CDH26: variants seen among roughly 807,000 people sequenced by gnomAD.
CDH26 encodes the protein cadherin 26.
Under a neutral mutation model 90.3 loss-of-function variants are expected in CDH26, and 83 were observed. That is an observed-to-expected ratio of 0.92 (90% CI 0.77 to 1.10). CDH26 has a LOEUF of 1.10. Among genes scored for constraint, CDH26 ranks in the 50% least tolerant of loss-of-function variants. CDH26 has a pLI of 0.00. For synonymous variants in CDH26, 397 were observed against 396.3 expected, an observed-to-expected ratio of 1.00 and a Z score of -0.02; for missense variants, 1,013 against 1,037.6, an observed-to-expected ratio of 0.98 and a Z score of 0.33.
intron 4 of CDH26, among the ~76,000 whole-genome samples, chr20:59,973,874 T>C (rs1239906400): frequency 6.6e-6 from 1 of 152,246 alleles, no homozygotes; most frequent in Non-Finnish European, 1.5e-5. Context: ...TATGTCTTTA[T>C]GATAGAATGA....
chr20:60,018,745 G>T, downstream of CDH26, among the ~76,000 whole-genome samples: 1 of 30,826 alleles, frequency 3.2e-5, no homozygotes, highest in African/African-American at 1.1e-4. Context: ...TTGCAGTTGG[G>T]TGGTTTCCTG....
Position 60,030,114 on chromosome 20 carries a change from T to TA in CDH26, c.948-1110dup, listed in dbSNP as rs1277101354. Among the ~76,000 whole-genome samples the TA allele has an allele frequency of 1.3e-5, 2 of 152,110 alleles. No homozygotes were observed. The highest frequency in any genetic ancestry group is 2.4e-5 in the African/African-American group (1 of 41,412). ...TTGAGGTATAACTGATATGTTAATA[T>TA]AAAAAAAGACATATATTGAATATCT... On this transcript the variant is annotated intron_variant, in intron 7 of 8. Coordinates refer to the CDH26 transcript ENST00000370991. This position sits in a 1 kb window ranked among gnomAD's most constrained non-coding sequence, Gnocchi z 4.0.
intron 11 of CDH26, 110 bp downstream of exon 11, chr20:59,994,599 C>A: frequency 7.3e-7 from 1 of 1,368,854 alleles, no homozygotes; most frequent in Non-Finnish European, 9.8e-7. Context: ...GAGAGGTCTG[C>A]GTTCTGGCAG....
chr20:59,966,344 C>T (rs1432085979), intron 1 of CDH26, among the ~76,000 whole-genome samples: 1 of 151,864 alleles, frequency 6.6e-6, no homozygotes, highest in Non-Finnish European at 1.5e-5. Flanking sequence ...GCAGCAGTGC[C>T]TTGTACATAC....
chr20:59,961,036 A>G (rs190177635), intron 1 of CDH26, among the ~76,000 whole-genome samples: 55 of 152,384 alleles, frequency 3.6e-4, no homozygotes, highest in African/African-American at 1.3e-3. Context: ...TTTCTTGGTC[A>G]CATTTTGCCA....
chr20:59,982,828 G>C, intron 4 of CDH26, 95 bp from the exon 5 acceptor site: 1 of 1,416,968 alleles, frequency 7.1e-7, no homozygotes, highest in Non-Finnish European at 9.7e-7. Context: ...TAGAGGAGGA[G>C]ACAGACGTAA....
chr20:59,969,101 G>T, intron 2 of CDH26, 78 bp downstream of exon 2: 1 of 852,396 alleles, frequency 1.2e-6, no homozygotes, highest in Non-Finnish European at 2.0e-6. Flanking sequence ...GCAGTTTGGA[G>T]TTCTTTAGTG....
Position 59,992,633 on chromosome 20 carries a change from G to C in CDH26, c.1426+113G>C, listed in dbSNP as rs980076275. ...CAGAGAAAAGGATAAAATAAACCTT[G>C]TTATCACTCTGCATCCATGCTGGTG... On this transcript the variant is annotated intron_variant, in intron 10 of 17. Transcript: ENST00000348616. The surrounding 1 kb of genome is among the most constrained non-coding windows in gnomAD (Gnocchi z 5.0). The C allele has an allele frequency of 7.6e-6, 8 of 1,053,786 alleles. No individual in the cohort carries two copies. The highest frequency in any genetic ancestry group is 1.1e-5 in the Non-Finnish European group (8 of 712,230). 65.3% of individuals were successfully genotyped at this position (1,053,786 alleles called of 1,614,324 possible).
chr20:59,958,980 G>A (rs1251428538), intron 1 of CDH26, among the ~76,000 whole-genome samples, 185 bp downstream of exon 1: 1 of 152,244 alleles, frequency 6.6e-6, no homozygotes, highest in Non-Finnish European at 1.5e-5. Context: ...GGGAAGTTAA[G>A]GGTCCCAGTC....
At chr20:59,990,364 A>G (rs896681676) in intron 9 of CDH26, among the ~76,000 whole-genome samples, 2 of 152,118 alleles carry the variant, frequency 1.3e-5, no homozygotes, top group Non-Finnish European at 2.9e-5. Flanking sequence ...GATCATGGGG[A>G]CAGAAAGGGG....
At chr20:59,997,458 T>C (rs1447615799) in intron 13 of CDH26, among the ~76,000 whole-genome samples, 1 of 152,274 alleles carries the variant, frequency 6.6e-6, no homozygotes, top group East Asian at 1.9e-4. Context: ...TCAGAGAGGA[T>C]GCCTATGAAG....
At chr20:59,989,224 G>A in intron 9 of CDH26, 61 bp downstream of exon 9, 1 of 1,593,910 alleles carries the variant, frequency 6.3e-7, no homozygotes, top group Admixed American at 1.7e-5. Flanking sequence ...TAACCAAGAG[G>A]GCTCCTGTTA....
At chr20:60,007,210 G>A (rs1362377689) in intron 17 of CDH26, among the ~76,000 whole-genome samples, 1 of 152,104 alleles carries the variant, frequency 6.6e-6, no homozygotes, top group African/African-American at 2.4e-5. Context: ...ATCACATTGG[G>A]GTTAGGGCCT....
intron 4 of CDH26, among the ~76,000 whole-genome samples, chr20:59,981,603 A>G (rs2061395963): frequency 6.6e-6 from 1 of 152,168 alleles, no homozygotes; most frequent in Admixed American, 6.5e-5. Context: ...TAAAATTCTC[A>G]GGATAAACCT....
downstream of CDH26, among the ~76,000 whole-genome samples, chr20:60,034,586 G>A (rs758550696): frequency 4.6e-5 from 7 of 152,210 alleles, no homozygotes; most frequent in Non-Finnish European, 1.0e-4. Flanking sequence ...GCAGCCCGGG[G>A]AGAGCCGACA....
chr20:60,007,211 G>C (rs1316188356), intron 17 of CDH26, among the ~76,000 whole-genome samples: 1 of 152,126 alleles, frequency 6.6e-6, no homozygotes, highest in Non-Finnish European at 1.5e-5. Flanking sequence ...TCACATTGGG[G>C]TTAGGGCCTG....
At chr20:60,025,156 GC>G (rs1436232233) in intron 7 of CDH26, among the ~76,000 whole-genome samples, 1 of 152,224 alleles carries the variant, frequency 6.6e-6, no homozygotes, top group Non-Finnish European at 1.5e-5. Context: ...ATTTGTGGGG[GC>G]ACTGTGTTCT....
intron 13 of CDH26, among the ~76,000 whole-genome samples, chr20:59,997,370 C>T (rs2061612800): frequency 6.6e-6 from 1 of 152,238 alleles, no homozygotes; most frequent in Non-Finnish European, 1.5e-5. Flanking sequence ...TTTTGCATCT[C>T]ATTAGCTTCA....
chr20:60,021,897 C>CAT lies in CDH26; in HGVS notation c.948-9315_948-9314dup, dbSNP rs71228705. Among the ~76,000 whole-genome samples, 768 of 78,970 alleles carry CAT rather than the reference C, an allele frequency of 9.7e-3. 82 individuals are homozygous for CAT. Among genetic ancestry groups the CAT allele is most frequent in the Middle Eastern group, 0.035 (5 of 142 alleles). 51.8% of individuals were successfully genotyped at this position (78,970 alleles called of 152,430 possible). On this transcript the variant is annotated intron_variant, in intron 7 of 8. Coordinates refer to the CDH26 transcript ENST00000370991. The stretch of plus-strand genomic sequence containing the variant: ...ACACACACACACACACACACACACA[C>CAT]ATATATATATATATATATATCCTGA...
Sources: gnomAD v4.1 joint callset for allele counts (sites outside exome capture counted in the v4.1 genomes callset) on GRCh38, gnomAD v4.1.1 for gene constraint, Gnocchi (gnomAD v3.1) non-coding constraint, MANE v1.5 for transcripts, NCBI Gene and HGNC (gene_info 2026-07-23, HGNC 2026-07-21) for gene names.